The following RBMS1 variants were observed in gnomAD, a reference collection of about 807,000 sequenced individuals.
RBMS1 encodes RNA binding motif single stranded interacting protein 1, also known as RNA-binding motif, single-stranded-interacting protein 1.
A neutral mutation model predicts 62.3 loss-of-function variants in RBMS1; 17 were observed. The ratio of observed to expected loss-of-function variants is 0.27; its 90% CI spans 0.19 to 0.41. The LOEUF (loss-of-function observed/expected upper bound fraction) is 0.41. Ranked by LOEUF, RBMS1 falls within the 10% of genes least tolerant of loss-of-function variation. The pLI, the probability that RBMS1 is intolerant of heterozygous loss-of-function variation, is 1.00. For synonymous variants in RBMS1, 172 were observed against 170.0 expected, an observed-to-expected ratio of 1.01 and a Z score of -0.09; for missense variants, 334 against 504.5, an observed-to-expected ratio of 0.66 and a Z score of 3.24.
At chr2:160,325,650 G>A (rs1157505700) in intron 2 of RBMS1, among the ~76,000 whole-genome samples, 1 of 152,162 alleles carries the variant, frequency 6.6e-6, no homozygotes, top group Admixed American at 6.5e-5. Context: ...ATAGGGGAAG[G>A]AACACAAAGT....
chr2:160,335,899 A>G (rs1691541855), intron 2 of RBMS1, among the ~76,000 whole-genome samples: 1 of 152,204 alleles, frequency 6.6e-6, no homozygotes, highest in South Asian at 2.1e-4. Context: ...CATTAAAAGT[A>G]TAATTTGGAA....
intron 9 of RBMS1, 173 bp downstream of exon 9, chr2:160,284,602 T>A: frequency 1.6e-6 from 1 of 617,602 alleles, no homozygotes; most frequent in Non-Finnish European, 2.9e-6. Context: ...CATTCTCCTA[T>A]ACATAAATTG....
chr2:160,491,503 T>TA (rs1056840409), intron 1 of RBMS1, among the ~76,000 whole-genome samples: 10 of 152,222 alleles, frequency 6.6e-5, no homozygotes, highest in African/African-American at 2.4e-4. Flanking sequence ...TTCAATTATT[T>TA]ACAGGGCAAA....
At chr2:160,417,664 T>C (rs1241176654) in intron 1 of RBMS1, among the ~76,000 whole-genome samples, 1 of 152,194 alleles carries the variant, frequency 6.6e-6, no homozygotes, top group African/African-American at 2.4e-5. Flanking sequence ...ACAACCTGCA[T>C]TTCAACTGCA....
At chr2:160,374,230 G>A (rs1268507022) in intron 1 of RBMS1, among the ~76,000 whole-genome samples, 2 of 152,128 alleles carry the variant, frequency 1.3e-5, no homozygotes, top group African/African-American at 4.8e-5. Context: ...ACTCCAGCCT[G>A]GGTAACAGAG....
At chr2:160,478,244 A>G (rs1685223653) in intron 1 of RBMS1, among the ~76,000 whole-genome samples, 1 of 152,242 alleles carries the variant, frequency 6.6e-6, no homozygotes, top group African/African-American at 2.4e-5. Context: ...CAACACTTCG[A>G]GAATTCACCA....
intron 1 of RBMS1, among the ~76,000 whole-genome samples, chr2:160,446,435 G>T (rs1465931363): frequency 6.6e-6 from 1 of 152,168 alleles, no homozygotes; most frequent in African/African-American, 2.4e-5. Flanking sequence ...ACCCTTAGGG[G>T]TCACTTAGTC....
intron 1 of RBMS1, among the ~76,000 whole-genome samples, chr2:160,430,119 T>A (rs1247013802): frequency 2.0e-5 from 3 of 152,146 alleles, no homozygotes; most frequent in Non-Finnish European, 4.4e-5. Flanking sequence ...GGACATTCAA[T>A]CCCCAGCTGA....
chr2:160,375,805 T>A (rs1035873581), intron 1 of RBMS1, among the ~76,000 whole-genome samples: 4 of 151,854 alleles, frequency 2.6e-5, no homozygotes, highest in African/African-American at 9.7e-5. Flanking sequence ...TCCTTGAATT[T>A]CCAGATCCAT....
intron 2 of RBMS1, among the ~76,000 whole-genome samples, chr2:160,357,210 G>A (rs549177419): frequency 4.6e-5 from 7 of 152,212 alleles, no homozygotes; most frequent in South Asian, 4.1e-4. Context: ...GAGAAGGAAA[G>A]GGTGATTTTT....
chr2:160,324,882 G>GTATGTATATA (rs1690808529), intron 2 of RBMS1, among the ~76,000 whole-genome samples: 3 of 100,012 alleles, frequency 3.0e-5, no homozygotes, highest in Admixed American at 1.0e-4. Context: ...GTGTGTGTGT[G>GTATGTATATA]TATATATATA....
chr2:160,448,272 C>T (rs1437376617), intron 1 of RBMS1, among the ~76,000 whole-genome samples: 1 of 151,862 alleles, frequency 6.6e-6, no homozygotes, highest in African/African-American at 2.4e-5. Flanking sequence ...GATTTGAAAA[C>T]CATTAACTCC....
intron 4 of RBMS1, among the ~76,000 whole-genome samples, chr2:160,305,254 T>G (rs1689437054): frequency 6.6e-6 from 1 of 152,198 alleles, no homozygotes; most frequent in African/African-American, 2.4e-5. Context: ...CACTCACCAC[T>G]CACTCACTGA....
At chr2:160,459,400 T>A (rs985970022) in intron 1 of RBMS1, among the ~76,000 whole-genome samples, 1 of 152,224 alleles carries the variant, frequency 6.6e-6, no homozygotes, top group East Asian at 1.9e-4. Context: ...ATCTTTTTAA[T>A]AGCGCAAATT....
intron 1 of RBMS1, among the ~76,000 whole-genome samples, chr2:160,380,773 T>G (rs1372203851): frequency 6.6e-6 from 1 of 152,162 alleles, no homozygotes; most frequent in Non-Finnish European, 1.5e-5. Flanking sequence ...TTTTCTCCAC[T>G]GCGGCCAGGA....
In RBMS1 at chr2:160,278,618, A is replaced by G. The variant is rs749414092; in HGVS notation, c.992T>C (p.Leu331Pro). The G allele has an allele frequency of 4.3e-6, 7 of 1,613,660 alleles. No individual in the cohort carries two copies. The South Asian group carries it at 7.7e-5, about 18-fold the overall frequency. The change falls in exon 11 of 14, where the codon CTA (leucine) becomes CCA (proline). Residue 331 changes from leucine (L) to proline (P), a missense_variant. Leu to Pro is a moderately conservative substitution (Grantham distance 98). Coordinates refer to ENST00000348849, the MANE Select transcript of RBMS1 (RefSeq NM_016836.4). ...AGGGCTGATCATTGATGCGGGCTGTAGTGACATGGTGTGCTCCATTGAGGG... is the reference window on the plus strand; with the variant it reads ...AGGGCTGATCATTGATGCGGGCTGTGGTGACATGGTGTGCTCCATTGAGGG... ...LTPSMEHTMS[L>P]QPASMISPLA...
At chr2:160,294,196 C>T (rs1370008053) in intron 6 of RBMS1, among the ~76,000 whole-genome samples, 10 of 152,128 alleles carry the variant, frequency 6.6e-5, no homozygotes. Flanking sequence ...ATTATTTTTT[C>T]CCCCAACAAA....
intron 2 of RBMS1, among the ~76,000 whole-genome samples, chr2:160,326,163 T>G (rs909900199): frequency 6.6e-6 from 1 of 151,984 alleles, no homozygotes; most frequent in South Asian, 2.1e-4. Context: ...GCGCTGAAGG[T>G]GAAGGGATTA....
Position 160,436,520 on chromosome 2 carries a change from A to G in RBMS1, c.75+56769T>C, listed in dbSNP as rs150204490. On this transcript the variant is annotated intron_variant, in intron 1 of 13. Transcript: ENST00000348849. ...TTCCTGAGCCACAGAATCATGAGAAATAATAAATCATTACTTTTTTAAGCC... is the reference window on the plus strand; with the variant it reads ...TTCCTGAGCCACAGAATCATGAGAAGTAATAAATCATTACTTTTTTAAGCC... 2.6e-5 allele frequency among the ~76,000 whole-genome samples: 4 copies of G among 152,382 alleles called. No individual in the cohort carries two copies. In the East Asian group the frequency reaches 7.7e-4, roughly 29 times the overall value.
Sources: allele counts gnomAD v4.1 joint callset (sites outside exome capture counted in the v4.1 genomes callset), GRCh38; gene constraint gnomAD v4.1.1; transcripts MANE v1.5; gene names NCBI Gene and HGNC (gene_info 2026-07-23, HGNC 2026-07-21).